AGMO: variants seen among roughly 807,000 people sequenced by gnomAD.
The protein encoded by AGMO is alkylglycerol monooxygenase, also known as glyceryl-ether monooxygenase.
In AGMO, 75 loss-of-function variants were observed where a neutral mutation model predicts 60.2. The observed-to-expected ratio is 1.25, with a 90% CI of 1.03 to 1.51. AGMO has a LOEUF of 1.51. AGMO is among the 40% of genes most tolerant of loss of function. The probability of loss-of-function intolerance (pLI) is 0.00; values close to 1 mark genes in which losing one functional copy is unlikely to be tolerated. For synonymous variants in AGMO, 261 were observed against 177.1 expected (o/e 1.47, Z -3.76); for missense variants, 763 against 525.5 (o/e 1.45, Z -4.42).
At chr7:15,289,254 A>C (rs1298387777) in intron 12 of AGMO, among the ~76,000 whole-genome samples, 1 of 142,228 alleles carries the variant, frequency 7.0e-6, no homozygotes, top group African/African-American at 2.6e-5. Flanking sequence ...TCAGTAAATT[A>C]CACGAAATAA....
intron 3 of AGMO, among the ~76,000 whole-genome samples, chr7:15,494,080 A>C (rs1325702458): frequency 6.6e-6 from 1 of 152,098 alleles, no homozygotes; most frequent in African/African-American, 2.4e-5. Flanking sequence ...TAAGGAGTTT[A>C]AGGTCAACAA....
chr7:15,204,094 T>C (rs1781378470), intron 12 of AGMO, among the ~76,000 whole-genome samples: 1 of 152,116 alleles, frequency 6.6e-6, no homozygotes, highest in Admixed American at 6.6e-5. Flanking sequence ...CACCATTCCA[T>C]TAGAAAATAT....
rs1358894440 is a variant in AGMO, at chr7:15,304,428, C to T, written c.1263+61086G>A. Among the ~76,000 whole-genome samples the T allele has an allele frequency of 5.9e-5, 9 of 152,072 alleles. No homozygotes were observed. The East Asian group carries it at 1.4e-3, about 23-fold the overall frequency. ...AGGACAGAAATTTTGGGTACAATCT[C>T]AAATCTGTTGGTATAAAGAAAACTG... On this transcript the variant is annotated intron_variant, in intron 12 of 12. Coordinates refer to ENST00000342526, the MANE Select transcript of AGMO (RefSeq NM_001004320.2).
intron 12 of AGMO, among the ~76,000 whole-genome samples, chr7:15,213,856 C>G (rs1202430247): frequency 1.3e-5 from 2 of 151,922 alleles, no homozygotes; most frequent in Non-Finnish European, 2.9e-5. Flanking sequence ...AAGGCAAGTA[C>G]TCAAGTAAAA....
chr7:15,415,099 T>TA (rs1181221913), intron 5 of AGMO, among the ~76,000 whole-genome samples: 2 of 151,788 alleles, frequency 1.3e-5, no homozygotes, highest in Admixed American at 6.6e-5. Flanking sequence ...AGAGAATATT[T>TA]AAAAAAAATA....
At chr7:15,183,890 G>C in the AGMO span, among the ~76,000 whole-genome samples, 3 of 152,160 alleles carry the variant, frequency 2.0e-5, no homozygotes, top group African/African-American at 7.2e-5. Flanking sequence ...TTTAATAATT[G>C]TGGTTTGTTA....
intron 3 of AGMO, among the ~76,000 whole-genome samples, chr7:15,481,789 AT>A (rs5882513): frequency 0.45 from 44,713 of 98,636 alleles, 7,029 homozygotes; most frequent in Non-Finnish European, 0.52. Context: ...GACTAAATGT[AT>A]TTTTTTTTTT....
At position 15,430,454 on chromosome 7, in the gene AGMO, G is replaced by A. The variant is rs140638758; in HGVS notation, c.513+551C>T. Among the ~76,000 whole-genome samples, 146 of 151,758 alleles carry A rather than the reference G, an allele frequency of 9.6e-4. 4 individuals carry two copies. In the East Asian group the frequency reaches 0.024, roughly 25 times the overall value. ...CCCATGAGTCAAAAGAACTCTACAA[G>A]TAGAGGCTATTTCTGGTATTCATTA... is the stretch of plus-strand genomic sequence containing the variant. On this transcript the variant is annotated intron_variant, in intron 4 of 12. Coordinates refer to ENST00000342526, the MANE Select transcript of AGMO (RefSeq NM_001004320.2).
intron 12 of AGMO, among the ~76,000 whole-genome samples, chr7:15,294,570 TTAAAA>T (rs1259597860): frequency 2.0e-5 from 3 of 151,942 alleles, no homozygotes; most frequent in African/African-American, 7.2e-5. Context: ...TTTAAAGGTC[TTAAAA>T]TAATACTACA....
chr7:15,349,873 T>A (rs1375138958), intron 12 of AGMO, among the ~76,000 whole-genome samples: 1 of 152,084 alleles, frequency 6.6e-6, no homozygotes, highest in African/African-American at 2.4e-5. Flanking sequence ...CCTCCCCCAG[T>A]GATTGAATTA....
intron 3 of AGMO, among the ~76,000 whole-genome samples, chr7:15,454,380 A>ACACAAAC (rs2128506521): frequency 1.9e-5 from 1 of 52,150 alleles, no homozygotes; most frequent in African/African-American, 1.0e-4. Context: ...CACACACACA[A>ACACAAAC]ACACACAAAC....
chr7:15,191,449 G>A, the AGMO span, among the ~76,000 whole-genome samples: 1 of 152,112 alleles, frequency 6.6e-6, no homozygotes, highest in Admixed American at 6.5e-5. Flanking sequence ...GGAGTAACAG[G>A]TGTTTTGATG....
chr7:15,379,561 T>G (rs572024637), intron 10 of AGMO, among the ~76,000 whole-genome samples: 1 of 152,066 alleles, frequency 6.6e-6, no homozygotes, highest in South Asian at 2.1e-4. Flanking sequence ...AGGAAGATAT[T>G]AAAACCCTAA....
intron 12 of AGMO, among the ~76,000 whole-genome samples, chr7:15,266,856 T>C (rs766125444): frequency 2.0e-5 from 3 of 151,698 alleles, no homozygotes; most frequent in Non-Finnish European, 4.4e-5. Context: ...TCACCTAATA[T>C]TTACAGAAAC....
At chr7:15,287,752 T>C (rs1015857579) in intron 12 of AGMO, among the ~76,000 whole-genome samples, 17 of 151,694 alleles carry the variant, frequency 1.1e-4, no homozygotes, top group Non-Finnish European at 2.4e-4. Context: ...TTAGCATCAA[T>C]GAATACTTTA....
chr7:15,143,364 G>C, the AGMO span, among the ~76,000 whole-genome samples: 1 of 152,124 alleles, frequency 6.6e-6, no homozygotes, highest in African/African-American at 2.4e-5. Context: ...GTGACATGCT[G>C]AGGTGGTGCT....
intron 3 of AGMO, among the ~76,000 whole-genome samples, chr7:15,485,761 C>T (rs981673413): frequency 6.6e-6 from 1 of 151,886 alleles, no homozygotes; most frequent in Non-Finnish European, 1.5e-5. Context: ...GTTACTCCTT[C>T]TCCCTGCTCT....
At chr7:15,233,473 G>C (rs761111031) in intron 12 of AGMO, among the ~76,000 whole-genome samples, 13 of 152,080 alleles carry the variant, frequency 8.5e-5, no homozygotes, top group Non-Finnish European at 1.5e-4. Flanking sequence ...TTACAAAAAT[G>C]ATGTCAGAGA....
At chr7:15,215,442 A>G (rs984207884) in intron 12 of AGMO, among the ~76,000 whole-genome samples, 13 of 151,884 alleles carry the variant, frequency 8.6e-5, no homozygotes, top group Non-Finnish European at 1.3e-4. Flanking sequence ...CTTGAGTTGT[A>G]CACCGGAATT....
Sources: gnomAD v4.1 joint callset for allele counts (sites outside exome capture counted in the v4.1 genomes callset) on GRCh38, gnomAD v4.1.1 for gene constraint, MANE v1.5 for transcripts, NCBI Gene and HGNC (gene_info 2026-07-23, HGNC 2026-07-21) for gene names.